Variants in MAPKAPK2 observed in about 807,000 individuals in gnomAD.
The protein encoded by MAPKAPK2 is MAPK activated protein kinase 2.
A neutral mutation model predicts 48.8 loss-of-function variants in MAPKAPK2; 9 were observed. The ratio of observed to expected loss-of-function variants is 0.18; its 90% CI spans 0.11 to 0.32. The LOEUF is 0.32. Ranked by LOEUF, MAPKAPK2 falls within the 10% of genes least tolerant of loss-of-function variation. MAPKAPK2 has a pLI of 1.00. For missense variants in MAPKAPK2, 331 were observed against 498.3 expected, an observed-to-expected ratio of 0.66 and a Z score of 3.20; for synonymous variants, 202 against 190.6, an observed-to-expected ratio of 1.06 and a Z score of -0.49.
At chr1:206,696,442 G>A (rs565601730) in intron 1 of MAPKAPK2, among the ~76,000 whole-genome samples, 11 of 152,242 alleles carry the variant, frequency 7.2e-5, no homozygotes, top group East Asian at 3.9e-4. Flanking sequence ...GGTGGCTCAC[G>A]CCTGTAATCT....
At chr1:206,717,925 A>T (rs1237512207) in intron 1 of MAPKAPK2, among the ~76,000 whole-genome samples, 1 of 152,206 alleles carries the variant, frequency 6.6e-6, no homozygotes, top group Non-Finnish European at 1.5e-5. Context: ...CAACACTGCT[A>T]CCTTTTTTTT....
chr1:206,706,036 TG>T (rs1447172523), intron 1 of MAPKAPK2, among the ~76,000 whole-genome samples: 1 of 152,168 alleles, frequency 6.6e-6, no homozygotes, highest in South Asian at 2.1e-4. Flanking sequence ...AATGGGAGTG[TG>T]GGGTGGGAAT....
chr1:206,685,383 C>T lies in MAPKAPK2; in HGVS notation c.154C>T (p.Leu52=). ...CCCGCAGTTCCACGTCAAGTCCGGC[C>T]TGCAGATCAAGAAGAACGCCATCAT... The part of the protein sequence containing the change: ...QFPQFHVKSG[L]QIKKNAIIDD... Residue 52 remains leucine, a synonymous_variant, in exon 1 of 10, where the codon CTG becomes TTG. Transcript: ENST00000367103. 2 of 1,531,892 alleles carry T rather than the reference C, an allele frequency of 1.3e-6. No homozygotes were observed. Among genetic ancestry groups the T allele is most frequent in the South Asian group, 1.1e-5 (1 of 87,050 alleles). The allele number at this position is 1,531,892 out of a possible 1,614,324, so 94.9% of individuals were successfully genotyped here. A position where few individuals can be genotyped will look rare whatever the true frequency, so the allele number is the denominator to read the frequency against.
rs58379967 is a variant in MAPKAPK2 at position 206,712,962 on chromosome 1, T to TCACACACACACACACACACACACA, written c.280-15728_280-15705dup. ...GCCTGGGCGACAGAATGAGACTCCA[T>TCACACACACACACACACACACACA]CACACACACACACACACACACACAC... On this transcript the variant is annotated intron_variant, in intron 1 of 9. Coordinates refer to ENST00000367103, the MANE Select transcript of MAPKAPK2 (RefSeq NM_032960.4). Among the ~76,000 whole-genome samples, 67 of 112,302 alleles carry TCACACACACACACACACACACACA rather than the reference T, an allele frequency of 6.0e-4. 2 individuals carry two copies. Among genetic ancestry groups the TCACACACACACACACACACACACA allele is most frequent in the Admixed American group, 2.3e-3 (25 of 10,716 alleles). 73.7% of individuals were successfully genotyped at this position (112,302 alleles called of 152,430 possible).
At chr1:206,725,267 T>C (rs574712723) in intron 1 of MAPKAPK2, among the ~76,000 whole-genome samples, 1 of 152,316 alleles carries the variant, frequency 6.6e-6, no homozygotes, top group Admixed American at 6.5e-5. Context: ...CTAAGGAGCA[T>C]GCATTTAGAT....
rs892524016 is a variant in MAPKAPK2 at position 206,732,439 on chromosome 1, T to C, written c.1060-136T>C. ...TCAGCGTGGACCACTAACCAGCCCG[T>C]CTTCTCTCTCTGCTCCCACCCCTGC... On this transcript the variant is annotated intron_variant, in intron 9 of 9. Transcript: ENST00000367103. The surrounding 1 kb of genome is among the most constrained non-coding windows in gnomAD (Gnocchi z 4.4). The C allele has an allele frequency of 6.7e-7, 1 of 1,483,954 alleles. No homozygotes were observed. The highest frequency in any genetic ancestry group is 9.0e-7 in the Non-Finnish European group (1 of 1,114,984). 91.9% of individuals were successfully genotyped at this position (1,483,954 alleles called of 1,614,324 possible).
At chr1:206,722,653 A>G (rs544904604) in intron 1 of MAPKAPK2, among the ~76,000 whole-genome samples, 2 of 152,312 alleles carry the variant, frequency 1.3e-5, no homozygotes, top group Non-Finnish European at 2.9e-5. Flanking sequence ...AAATCCCTGT[A>G]TAAATGGATC....
Position 206,733,894 on chromosome 1 carries a change from G to A in MAPKAPK2, c.*1176G>A, listed in dbSNP as rs528897868. On this transcript the variant is annotated 3_prime_UTR_variant, in exon 10 of 10. Transcript: ENST00000367103. ...TCAGATTTCCATTGTGTGGCCTGGT[G>A]GGTCAGGGGGAGTCTTTGCACCAAA... The A allele has an allele frequency of 6.5e-6, 1 of 152,852 alleles. No homozygotes were observed. The highest frequency in any genetic ancestry group is 2.4e-5 in the African/African-American group (1 of 41,542). 9.5% of individuals were successfully genotyped at this position (152,852 alleles called of 1,614,324 possible).
At chr1:206,696,690 C>A (rs565647205) in intron 1 of MAPKAPK2, among the ~76,000 whole-genome samples, 2 of 152,252 alleles carry the variant, frequency 1.3e-5, no homozygotes, top group South Asian at 2.1e-4. Context: ...GGTGACAGAG[C>A]GAGACCCCGT....
chr1:206,732,110 C>T lies in MAPKAPK2; in HGVS notation c.1059+191C>T, dbSNP rs1264789366. ...GTTGTGAGCAGAGGATTCTGTGTTC[C>T]TGTCCAAACTCAGTGCTGTTTCTTA... On this transcript the variant is annotated intron_variant, in intron 9 of 9. Coordinates refer to ENST00000367103, the MANE Select transcript of MAPKAPK2 (RefSeq NM_032960.4). The surrounding 1 kb of genome is among the most constrained non-coding windows in gnomAD (Gnocchi z 4.4). 3 of 1,614,088 alleles carry T rather than the reference C, an allele frequency of 1.9e-6. No homozygotes were observed. Among genetic ancestry groups the T allele is most frequent in the Non-Finnish European group, 2.5e-6 (3 of 1,180,040 alleles).
intron 1 of MAPKAPK2, among the ~76,000 whole-genome samples, chr1:206,722,302 G>C (rs1553431318): frequency 6.6e-6 from 1 of 152,160 alleles, no homozygotes; most frequent in Non-Finnish European, 1.5e-5. Context: ...GGAGCTTGCA[G>C]TGAGCGGAGA....
At chr1:206,729,361 T>G (rs1251979506) in intron 3 of MAPKAPK2, 35 bp from the exon 4 acceptor site, 4 of 1,559,506 alleles carry the variant, frequency 2.6e-6, no homozygotes, top group Non-Finnish European at 3.5e-6. Flanking sequence ...TCTTTGTGAC[T>G]TTCTTTCCCA....
intron 1 of MAPKAPK2, chr1:206,696,215 G>A: frequency 1.4e-6 from 2 of 1,456,066 alleles, no homozygotes; most frequent in Non-Finnish European, 1.9e-6. Context: ...GCCACCTGAG[G>A]TCTGAGGCTG....
chr1:206,719,285 G>A (rs1673438854), intron 1 of MAPKAPK2, among the ~76,000 whole-genome samples: 1 of 152,184 alleles, frequency 6.6e-6, no homozygotes, highest in African/African-American at 2.4e-5. Flanking sequence ...GACAGCTCTG[G>A]AGAGGGGGCC....
At chr1:206,718,979 T>C (rs1553430838) in intron 1 of MAPKAPK2, among the ~76,000 whole-genome samples, 3 of 152,140 alleles carry the variant, frequency 2.0e-5, no homozygotes, top group African/African-American at 7.2e-5. Flanking sequence ...GGTCAAACAT[T>C]AAAATTTTTT....
chr1:206,692,451 C>T (rs977199869), intron 1 of MAPKAPK2, among the ~76,000 whole-genome samples: 1 of 152,200 alleles, frequency 6.6e-6, no homozygotes, highest in Non-Finnish European at 1.5e-5. Flanking sequence ...CTCTTCCTGC[C>T]CATGCAAGGC....
chr1:206,695,309 T>G (rs1672580652), intron 1 of MAPKAPK2, among the ~76,000 whole-genome samples: 1 of 152,184 alleles, frequency 6.6e-6, no homozygotes, highest in Non-Finnish European at 1.5e-5. Flanking sequence ...GCCCCCATGA[T>G]TCTTCGGCGT....
At chr1:206,712,994 A>ACACACACACACACT (rs1673207312) in intron 1 of MAPKAPK2, among the ~76,000 whole-genome samples, 1 of 151,514 alleles carries the variant, frequency 6.6e-6, no homozygotes, top group African/African-American at 2.4e-5. Context: ...ACACACACAC[A>ACACACACACACACT]CACACACACA....
intron 4 of MAPKAPK2, 137 bp downstream of exon 4, chr1:206,729,612 G>T (rs1673833007): frequency 2.6e-6 from 2 of 776,960 alleles, no homozygotes; most frequent in South Asian, 1.6e-5. Context: ...TGCCTTGTAG[G>T]GCCTTGCCCT....
Sources: allele counts gnomAD v4.1 joint callset (sites outside exome capture counted in the v4.1 genomes callset), GRCh38; gene constraint gnomAD v4.1.1; non-coding constraint Gnocchi (gnomAD v3.1); transcripts MANE v1.5; gene names NCBI Gene and HGNC (gene_info 2026-07-23, HGNC 2026-07-21).